Variants in TAF1B observed in about 807,000 individuals in gnomAD.
TAF1B encodes the protein TATA box-binding protein-associated factor RNA polymerase I subunit B.
Under a neutral mutation model 83.9 loss-of-function variants are expected in TAF1B, and 61 were observed. That is an observed-to-expected ratio of 0.73 (90% CI 0.59 to 0.90). The LOEUF is 0.90. Among genes scored for constraint, TAF1B ranks in the 40% least tolerant of loss-of-function variants. The pLI, the probability that TAF1B is intolerant of heterozygous loss-of-function variation, is 0.00. For synonymous variants in TAF1B, 221 were observed against 224.6 expected, an observed-to-expected ratio of 0.98 and a Z score of 0.14; for missense variants, 625 against 677.0, an observed-to-expected ratio of 0.92 and a Z score of 0.85.
At chr2:9,922,994 A>T (rs1430962515) in intron 14 of TAF1B, among the ~76,000 whole-genome samples, 1 of 152,192 alleles carries the variant, frequency 6.6e-6, no homozygotes, top group East Asian at 1.9e-4. Context: ...CTGTAATCCT[A>T]GCACTTAGGG....
chr2:9,843,705 A>G (rs1463037921), intron 1 of TAF1B, 146 bp downstream of exon 1: 11 of 940,602 alleles, frequency 1.2e-5, no homozygotes, highest in African/African-American at 7.0e-5. Context: ...GGGCGGGCTA[A>G]GGACTGGGGC....
At chr2:9,911,414 A>C in intron 10 of TAF1B, 97 bp from the exon 11 acceptor site, 1 of 947,798 alleles carries the variant, frequency 1.1e-6, no homozygotes, top group South Asian at 1.8e-5. Context: ...TATCAATTTC[A>C]AATACTGTTC....
At chr2:9,888,798 T>G (rs201873878) in intron 8 of TAF1B, among the ~76,000 whole-genome samples, 23,925 of 132,562 alleles carry the variant, frequency 0.18, 3,282 homozygotes, top group East Asian at 0.3. Flanking sequence ...TGGTTTTTTT[T>G]TTTTTTTTTT....
intron 7 of TAF1B, among the ~76,000 whole-genome samples, chr2:9,876,358 T>G (rs1436930563): frequency 6.6e-6 from 1 of 152,242 alleles, no homozygotes; most frequent in Admixed American, 6.5e-5. Flanking sequence ...AAACAGGTGA[T>G]CTTTACATTA....
At position 9,854,393 on chromosome 2, in the gene TAF1B, C is replaced by T; in HGVS notation, c.371C>T (p.Pro124Leu). The T allele has an allele frequency of 1.2e-6, 2 of 1,613,836 alleles. No individual in the cohort carries two copies. The highest frequency in any genetic ancestry group is 1.7e-6 in the Non-Finnish European group (2 of 1,179,846). ...AGCAAGCAGGCATATTGTAAGAACC[C>T]AGTTTATACCACTGGAAGGAAACCT... Reference protein sequence around the residue: ...QKSKQAYCKNPVYTTGRKPTV... With the variant: ...QKSKQAYCKNLVYTTGRKPTV... Residue 124 changes from proline (P) to leucine (L), a missense_variant, in exon 5 of 15, where the codon CCA becomes CTA. Coordinates refer to ENST00000263663, the MANE Select transcript of TAF1B (RefSeq NM_005680.3).
chr2:9,930,867 A>G (rs1188184287), intron 14 of TAF1B, among the ~76,000 whole-genome samples: 1 of 152,180 alleles, frequency 6.6e-6, no homozygotes, highest in Non-Finnish European at 1.5e-5. Context: ...TTGGGTGCCT[A>G]TATATTTAGG....
intron 5 of TAF1B, among the ~76,000 whole-genome samples, chr2:9,860,388 A>C (rs1013693452): frequency 3.9e-5 from 6 of 152,224 alleles, no homozygotes; most frequent in African/African-American, 1.4e-4. Flanking sequence ...CCATTATTTT[A>C]AGTACTGCTA....
At chr2:9,852,170 TATGTCTGGAGTAGAGCCCAAGA>T in intron 4 of TAF1B, 1 of 387,764 alleles carries the variant, frequency 2.6e-6, no homozygotes, top group Non-Finnish European at 5.2e-6. Flanking sequence ...TCTGAGTTAG[TATGTCTGGAGTAGAGCCCAAGA>T]ATGTGCATTT....
intron 8 of TAF1B, among the ~76,000 whole-genome samples, chr2:9,900,838 G>A (rs1369317290): frequency 2.6e-5 from 4 of 152,082 alleles, no homozygotes; most frequent in Non-Finnish European, 4.4e-5. Flanking sequence ...AAGATGTTGG[G>A]ATATAGAAGT....
rs1446340829 is a variant in TAF1B at position 9,854,355 on chromosome 2, C to T, written c.333C>T (p.Arg111=). ...KNDVLHNFWK[R]YLQKSKQAYC... ...ATGTTTTACATAATTTTTGGAAGCG[C>T]TACCTTCAGAAGAGCAAGCAGGCAT... Residue 111 remains arginine (R), a synonymous_variant, in exon 5 of 15, where the codon CGC becomes CGT. Transcript: ENST00000263663. 1.2e-6 allele frequency: 2 copies of T among 1,613,976 alleles called. No homozygotes were observed. Among genetic ancestry groups the T allele is most frequent in the Non-Finnish European group, 1.7e-6 (2 of 1,179,974 alleles).
intron 7 of TAF1B, among the ~76,000 whole-genome samples, chr2:9,882,155 G>A (rs1664525637): frequency 6.6e-6 from 1 of 151,932 alleles, no homozygotes; most frequent in Non-Finnish European, 1.5e-5. Flanking sequence ...GCCCAGGCTG[G>A]AGTGCAGTGG....
intron 8 of TAF1B, among the ~76,000 whole-genome samples, chr2:9,885,482 G>C (rs964238606): frequency 6.6e-6 from 1 of 152,214 alleles, no homozygotes; most frequent in Non-Finnish European, 1.5e-5. Flanking sequence ...GTGATTTGTA[G>C]AAGCATTAGA....
chr2:9,863,413 T>C (rs1455860338), intron 5 of TAF1B, among the ~76,000 whole-genome samples: 1 of 152,206 alleles, frequency 6.6e-6, no homozygotes, highest in African/African-American at 2.4e-5. Flanking sequence ...TAAATATATA[T>C]GCACCCAATA....
At chr2:9,888,734 C>T (rs1487580103) in intron 8 of TAF1B, among the ~76,000 whole-genome samples, 1 of 145,700 alleles carries the variant, frequency 6.9e-6, no homozygotes, top group Non-Finnish European at 1.5e-5. Flanking sequence ...CACTGGATCT[C>T]ACCAATTGGA....
At chr2:9,893,231 T>G (rs958278773) in intron 8 of TAF1B, among the ~76,000 whole-genome samples, 3 of 152,220 alleles carry the variant, frequency 2.0e-5, no homozygotes, top group Admixed American at 2.0e-4. Flanking sequence ...TTGTGCCATT[T>G]TTCCTATCTG....
chr2:9,924,924 A>G (rs1572292317), intron 14 of TAF1B, among the ~76,000 whole-genome samples: 2 of 152,130 alleles, frequency 1.3e-5, no homozygotes, highest in African/African-American at 4.8e-5. Flanking sequence ...ATGAATTGAA[A>G]TGCCCTTACT....
At chr2:9,886,642 T>G (rs1664680937) in intron 8 of TAF1B, among the ~76,000 whole-genome samples, 1 of 152,084 alleles carries the variant, frequency 6.6e-6, no homozygotes, top group South Asian at 2.1e-4. Context: ...TAGTAATAGA[T>G]CCCATTATTA....
At chr2:9,901,536 C>A (rs574572605) in intron 8 of TAF1B, among the ~76,000 whole-genome samples, 200 of 152,178 alleles carry the variant, frequency 1.3e-3, no homozygotes, top group Non-Finnish European at 2.6e-3. Flanking sequence ...AATTTATCAT[C>A]CATTAAATCA....
intron 14 of TAF1B, among the ~76,000 whole-genome samples, chr2:9,924,740 C>G (rs1024795469): frequency 3.3e-5 from 5 of 152,136 alleles, no homozygotes; most frequent in African/African-American, 9.7e-5. Context: ...AGCTATGTAT[C>G]GAATTTTGTT....
Sources: gnomAD v4.1 joint callset for allele counts (sites outside exome capture counted in the v4.1 genomes callset) on GRCh38, gnomAD v4.1.1 for gene constraint, MANE v1.5 for transcripts, NCBI Gene and HGNC (gene_info 2026-07-23, HGNC 2026-07-21) for gene names.